Variants in RARB observed in about 807,000 individuals in gnomAD.
The protein encoded by RARB is HBV-activated protein.
In RARB, 17 loss-of-function variants were observed where a neutral mutation model predicts 51.9. The ratio of observed to expected loss-of-function variants is 0.33; its 90% CI spans 0.22 to 0.49. The LOEUF (loss-of-function observed/expected upper bound fraction) is 0.49. Among genes scored for constraint, RARB ranks in the 20% least tolerant of loss-of-function variants. RARB has a pLI of 0.99. For synonymous variants in RARB, 215 were observed against 195.4 expected (o/e 1.10, Z -0.84); for missense variants, 369 against 550.8 (o/e 0.67, Z 3.30).
chr3:24,943,510 A>T (rs1244154876), intron 2 of RARB, among the ~76,000 whole-genome samples: 1 of 152,192 alleles, frequency 6.6e-6, no homozygotes, highest in East Asian at 1.9e-4. Flanking sequence ...GACTTGGTAG[A>T]AATGTGACAT....
At chr3:25,434,906 C>T (rs562837212) in intron 1 of RARB, among the ~76,000 whole-genome samples, 1 of 152,256 alleles carries the variant, frequency 6.6e-6, no homozygotes. Context: ...ATTGCTAAAG[C>T]CATTTCATTT....
At chr3:24,962,132 T>G (rs1696155362) in intron 2 of RARB, among the ~76,000 whole-genome samples, 1 of 151,908 alleles carries the variant, frequency 6.6e-6, no homozygotes, top group African/African-American at 2.4e-5. Context: ...GGTTTCACCG[T>G]GTTAGCCAGG....
intron 2 of RARB, among the ~76,000 whole-genome samples, chr3:24,924,288 T>C (rs773650030): frequency 6.6e-6 from 1 of 152,180 alleles, no homozygotes; most frequent in African/African-American, 2.4e-5. Flanking sequence ...TCTATATTCT[T>C]TAGCTCAGCT....
intron 3 of RARB, among the ~76,000 whole-genome samples, chr3:25,114,592 G>A (rs1013898175): frequency 6.6e-6 from 1 of 152,172 alleles, no homozygotes; most frequent in African/African-American, 2.4e-5. Context: ...CCAGCATACA[G>A]TTTACAGTTG....
chr3:25,468,254 T>C (rs1575432481), intron 2 of RARB, among the ~76,000 whole-genome samples: 1 of 152,264 alleles, frequency 6.6e-6, no homozygotes, highest in South Asian at 2.1e-4. Context: ...CACTGATTTC[T>C]TGTTAGGGCT....
chr3:25,447,011 A>C (rs1173736350), intron 1 of RARB, among the ~76,000 whole-genome samples: 2 of 121,718 alleles, frequency 1.6e-5, no homozygotes, highest in Non-Finnish European at 3.2e-5. Flanking sequence ...ACAGAGATTT[A>C]AAAAAAGAAA....
intron 4 of RARB, among the ~76,000 whole-genome samples, chr3:25,576,011 A>G (rs1182651308): frequency 6.6e-6 from 1 of 152,148 alleles, no homozygotes; most frequent in Non-Finnish European, 1.5e-5. Flanking sequence ...TCTTTTGAAG[A>G]AAAATGTTCT....
intron 2 of RARB, among the ~76,000 whole-genome samples, chr3:24,992,366 C>G (rs1339757765): frequency 6.6e-6 from 1 of 152,058 alleles, no homozygotes; most frequent in East Asian, 1.9e-4. Context: ...AGTTGAGGTG[C>G]TTTCATCTTT....
intron 1 of RARB, among the ~76,000 whole-genome samples, chr3:24,840,715 T>C (rs1045897718): frequency 2.8e-5 from 4 of 143,190 alleles, no homozygotes; most frequent in African/African-American, 1.1e-4. Flanking sequence ...TACAGAACCA[T>C]TTTCTTTAGT....
chr3:25,351,144 A>G (rs1269372698), intron 5 of RARB, among the ~76,000 whole-genome samples: 1 of 152,118 alleles, frequency 6.6e-6, no homozygotes, highest in African/African-American at 2.4e-5. Flanking sequence ...CTGGTTAGTG[A>G]GCATTAGCTA....
rs187096644 is a variant in RARB at position 25,460,224 on chromosome 3, C to A, written c.158-969C>A. On this transcript the variant is annotated intron_variant, in intron 1 of 7. Transcript: ENST00000330688. Reference sequence around the variant, plus strand: ...CAGATTCCACAGGCCTGAGCTGGGACCTGATACTATTTTTCTAATAAGATC... The same window carrying A: ...CAGATTCCACAGGCCTGAGCTGGGAACTGATACTATTTTTCTAATAAGATC... 7.9e-5 allele frequency among the ~76,000 whole-genome samples: 12 copies of A among 152,124 alleles called. No homozygotes were observed. The East Asian group carries it at 2.1e-3, about 27-fold the overall frequency.
At chr3:25,150,392 C>T (rs1700265143) in intron 4 of RARB, among the ~76,000 whole-genome samples, 1 of 152,162 alleles carries the variant, frequency 6.6e-6, no homozygotes, top group Non-Finnish European at 1.5e-5. Context: ...TGGCTGGCAG[C>T]ATTCCACCTT....
chr3:25,367,250 T>C (rs1405980537), intron 5 of RARB, among the ~76,000 whole-genome samples: 1 of 152,164 alleles, frequency 6.6e-6, no homozygotes, highest in African/African-American at 2.4e-5. Context: ...AATTCCAGGC[T>C]ATGGTAGCAT....
intron 2 of RARB, among the ~76,000 whole-genome samples, chr3:24,955,973 G>A (rs1200913937): frequency 6.6e-6 from 1 of 152,124 alleles, no homozygotes; most frequent in East Asian, 1.9e-4. Flanking sequence ...GTTATTTGAT[G>A]AAATTCCTAG....
intron 5 of RARB, among the ~76,000 whole-genome samples, chr3:25,380,723 A>G (rs1214569925): frequency 6.6e-6 from 1 of 152,208 alleles, no homozygotes; most frequent in Non-Finnish European, 1.5e-5. Flanking sequence ...TTAAATGCCC[A>G]ATTATAGCAA....
Position 25,078,902 on chromosome 3 carries a change from A to G in RARB, c.-328+18726A>G, listed in dbSNP as rs960074780. Among the ~76,000 whole-genome samples the G allele has an allele frequency of 2.0e-4, 31 of 152,280 alleles. No homozygotes were observed. In the East Asian group the frequency reaches 5.6e-3, roughly 28 times the overall value. ...TTTGCATTTTTATATAAATTTTAGA[A>G]TCAGCTTGTCGAACTCTACAAAGGA... On this transcript the variant is annotated intron_variant, in intron 3 of 11. Transcript: ENST00000383772.
chr3:25,040,543 G>T (rs1698090993), intron 2 of RARB, among the ~76,000 whole-genome samples: 1 of 152,098 alleles, frequency 6.6e-6, no homozygotes, highest in Admixed American at 6.6e-5. Flanking sequence ...GACCAGCCTG[G>T]CCAACATGGT....
In RARB at chr3:24,875,153, T is replaced by C. The variant is rs369403542; in HGVS notation, c.-380+16401T>C. 3.3e-5 allele frequency among the ~76,000 whole-genome samples: 5 copies of C among 152,190 alleles called. No homozygotes were observed. The East Asian group carries it at 5.8e-4, about 18-fold the overall frequency. ...AAAAAAGATTTACATACAAGTCCTT[T>C]TGTTTTTTTCATTTTAAACTTTTGG... On this transcript the variant is annotated intron_variant, in intron 2 of 11. Transcript: ENST00000383772.
intron 2 of RARB, among the ~76,000 whole-genome samples, chr3:24,976,532 A>G (rs1005235419): frequency 5.3e-5 from 8 of 151,788 alleles, no homozygotes; most frequent in African/African-American, 1.9e-4. Context: ...GATGATGAGC[A>G]TTTTTTCATG....
Sources: allele counts gnomAD v4.1 joint callset (sites outside exome capture counted in the v4.1 genomes callset), GRCh38; gene constraint gnomAD v4.1.1; transcripts MANE v1.5; gene names NCBI Gene and HGNC (gene_info 2026-07-23, HGNC 2026-07-21).